SORCS2: variants seen among roughly 807,000 people sequenced by gnomAD.
The protein encoded by SORCS2 is VPS10 domain-containing receptor SorCS2.
SORCS2 carries 100 observed loss-of-function variants against 141.6 expected under a neutral mutation model. The ratio of observed to expected loss-of-function variants is 0.71; its 90% CI spans 0.60 to 0.83. The LOEUF is 0.83. Ranked by LOEUF, SORCS2 falls within the 40% of genes least tolerant of loss-of-function variation. The probability of loss-of-function intolerance (pLI) is 0.00; values close to 1 mark genes in which losing one functional copy is unlikely to be tolerated. For missense variants in SORCS2, 1,646 were observed against 1,560.2 expected (o/e 1.05, Z -0.93); for synonymous variants, 789 against 676.9 (o/e 1.17, Z -2.57).
At chr4:7,439,033 G>A (rs904825707) in intron 2 of SORCS2, among the ~76,000 whole-genome samples, 1 of 152,130 alleles carries the variant, frequency 6.6e-6, no homozygotes, top group African/African-American at 2.4e-5. Context: ...GAATCAGCCT[G>A]TTCTCCAGGG....
chr4:7,422,562 C>T (rs1467522101), intron 2 of SORCS2, among the ~76,000 whole-genome samples: 1 of 152,098 alleles, frequency 6.6e-6, no homozygotes, highest in East Asian at 1.9e-4. Context: ...GGTCCCAGGC[C>T]CCCTTGGTGC....
At position 7,493,702 on chromosome 4, in the gene SORCS2, C is replaced by A. The variant is rs140213190; in HGVS notation, c.549-37828C>A. Among the ~76,000 whole-genome samples, 8 of 152,282 alleles carry A rather than the reference C, an allele frequency of 5.3e-5. No homozygotes were observed. In the East Asian group the frequency reaches 1.5e-3, roughly 29 times the overall value. ...ATGTGTGTGTCCCAGAAGGGCTGGG[C>A]TCCAGCTGGTCAGAGAGAGAACACG... On this transcript the variant is annotated intron_variant, in intron 2 of 26. Transcript: ENST00000507866.
At chr4:7,231,104 C>G (rs1222903078) in intron 1 of SORCS2, among the ~76,000 whole-genome samples, 1 of 152,208 alleles carries the variant, frequency 6.6e-6, no homozygotes, top group Non-Finnish European at 1.5e-5. Context: ...AAGGAACTGG[C>G]TCACATAAAG....
intron 20 of SORCS2, among the ~76,000 whole-genome samples, chr4:7,726,523 A>G (rs1470631467): frequency 2.6e-5 from 4 of 152,116 alleles, no homozygotes; most frequent in Admixed American, 1.3e-4. Flanking sequence ...GCAGTGAGCC[A>G]AGATTGCGCC....
intron 2 of SORCS2, among the ~76,000 whole-genome samples, chr4:7,525,878 GTCCCCTCCTCA>G (rs1164890759): frequency 8.3e-5 from 10 of 120,118 alleles, no homozygotes; most frequent in South Asian, 2.8e-4. Context: ...TCAGTCACCT[GTCCCCTCCTCA>G]GTCACCTGTC....
intron 3 of SORCS2, among the ~76,000 whole-genome samples, chr4:7,571,730 A>T (rs541401165): frequency 9.8e-5 from 15 of 152,308 alleles, no homozygotes; most frequent in African/African-American, 3.4e-4. Context: ...AAAGGGGCCA[A>T]GGCCAGCAGC....
At chr4:7,496,652 G>A (rs1403256471) in intron 2 of SORCS2, among the ~76,000 whole-genome samples, 1 of 152,014 alleles carries the variant, frequency 6.6e-6, no homozygotes, top group Non-Finnish European at 1.5e-5. Context: ...CCGGGAGAAA[G>A]GACAGTTTCT....
intron 1 of SORCS2, among the ~76,000 whole-genome samples, chr4:7,390,391 GA>G (rs1389443767): frequency 6.6e-6 from 1 of 152,154 alleles, no homozygotes; most frequent in Non-Finnish European, 1.5e-5. Flanking sequence ...GAGGTGCTCA[GA>G]ACGTTTCTTG....
chr4:7,367,530 C>T (rs563823596), intron 1 of SORCS2, among the ~76,000 whole-genome samples: 13 of 152,220 alleles, frequency 8.5e-5, no homozygotes, highest in South Asian at 2.1e-4. Flanking sequence ...CACACAGCAA[C>T]GGCGCCCGGG....
intron 11 of SORCS2, among the ~76,000 whole-genome samples, chr4:7,693,164 ATACCTCATCTTCACCCTTTC>A (rs1724366963): frequency 6.7e-6 from 1 of 149,910 alleles, no homozygotes; most frequent in South Asian, 2.1e-4. Context: ...CATCTGAAGG[ATACCTCATCTTCACCCTTTC>A]TTCCTCATCT....
At chr4:7,221,643 C>G (rs546970845) in intron 1 of SORCS2, among the ~76,000 whole-genome samples, 2 of 152,312 alleles carry the variant, frequency 1.3e-5, no homozygotes, top group East Asian at 3.9e-4. Flanking sequence ...GGAGAAACAG[C>G]GAAGGAAAGA....
rs756968540 is a variant in SORCS2, at chr4:7,715,282, C to T, written c.2223C>T (p.Ala741=). The change falls in exon 17 of 27, where the codon GCC becomes GCT. Residue 741 remains alanine (A), a synonymous_variant. Coordinates refer to ENST00000507866, the MANE Select transcript of SORCS2 (RefSeq NM_020777.3). ...CATTGTCCCCGCCTGACGACTGTGC[C>T]CTGGGCCAGACCTACACCAGCAGCC... The part of the protein sequence containing the change: ...FNPLSPPDDC[A]LGQTYTSSLG... 8.1e-6 allele frequency: 13 copies of T among 1,613,144 alleles called. No individual in the cohort carries two copies. The South Asian group carries it at 1.4e-4, about 18-fold the overall frequency.
intron 3 of SORCS2, among the ~76,000 whole-genome samples, chr4:7,634,512 A>G (rs1472354966): frequency 6.6e-6 from 1 of 152,256 alleles, no homozygotes; most frequent in Non-Finnish European, 1.5e-5. Context: ...TCCAATTACA[A>G]CTAAAGTATA....
intron 1 of SORCS2, among the ~76,000 whole-genome samples, chr4:7,264,152 A>C (rs1316341811): frequency 1.3e-5 from 2 of 152,162 alleles, no homozygotes; most frequent in Non-Finnish European, 2.9e-5. Flanking sequence ...CGGGACTCAG[A>C]GGTGAAATCC....
chr4:7,228,581 A>G (rs1003862172), intron 1 of SORCS2, among the ~76,000 whole-genome samples: 2 of 152,240 alleles, frequency 1.3e-5, no homozygotes, highest in South Asian at 2.1e-4. Flanking sequence ...TGCAGAGGAC[A>G]TGGACTTGGC....
chr4:7,517,283 A>G (rs765952212), intron 2 of SORCS2, among the ~76,000 whole-genome samples: 2 of 152,164 alleles, frequency 1.3e-5, no homozygotes, highest in East Asian at 1.9e-4. Flanking sequence ...GGTTTCCACA[A>G]TCGCACGACT....
At position 7,248,438 on chromosome 4, in the gene SORCS2, A is replaced by G. The variant is rs908910852; in HGVS notation, c.480+55312A>G. On this transcript the variant is annotated intron_variant, in intron 1 of 26. Coordinates refer to ENST00000507866, the MANE Select transcript of SORCS2 (RefSeq NM_020777.3). ...GTTACTTAACCTCTCTGGACCTCCA[A>G]TTCCTCATCTGTAATAAAGAAGATG... Among the ~76,000 whole-genome samples the G allele has an allele frequency of 1.1e-4, 16 of 152,186 alleles. 1 individual carries two copies. The highest frequency in any genetic ancestry group is 3.4e-4 in the African/African-American group (14 of 41,440).
intron 14 of SORCS2, among the ~76,000 whole-genome samples, chr4:7,707,032 G>C (rs1006859081): frequency 6.6e-6 from 1 of 152,202 alleles, no homozygotes; most frequent in Non-Finnish European, 1.5e-5. Context: ...CTCTGAGAGG[G>C]GAGGTACCTT....
rs370018745 is a variant in SORCS2 at position 7,397,223 on chromosome 4, G to T, written c.548+868G>T. On this transcript the variant is annotated intron_variant, in intron 2 of 26. Coordinates refer to ENST00000507866, the MANE Select transcript of SORCS2 (RefSeq NM_020777.3). ...TTTTTGGCTTTGCTTTTAGCTAAGG[G>T]GTTTGGTGATTCATTCTGTTGGTTC... Among the ~76,000 whole-genome samples the T allele has an allele frequency of 5.3e-5, 8 of 152,288 alleles. No individual in the cohort carries two copies. The East Asian group carries it at 1.5e-3, about 29-fold the overall frequency.
Sources: allele counts gnomAD v4.1 joint callset (sites outside exome capture counted in the v4.1 genomes callset), GRCh38; gene constraint gnomAD v4.1.1; transcripts MANE v1.5; gene names NCBI Gene and HGNC (gene_info 2026-07-23, HGNC 2026-07-21).